SLC24A4: variants seen among roughly 807,000 people sequenced by gnomAD.
SLC24A4 encodes the protein sodium/potassium/calcium exchanger 4.
Under a neutral mutation model 79.0 loss-of-function variants are expected in SLC24A4, and 53 were observed. The ratio of observed to expected loss-of-function variants is 0.67; its 90% CI spans 0.54 to 0.84. The LOEUF is 0.84. SLC24A4 is among the 40% of genes least tolerant of loss of function. The pLI, the probability that SLC24A4 is intolerant of heterozygous loss-of-function variation, is 0.00. For missense variants in SLC24A4, 731 were observed against 822.0 expected, an observed-to-expected ratio of 0.89 and a Z score of 1.35; for synonymous variants, 323 against 323.8, an observed-to-expected ratio of 1.00 and a Z score of 0.03.
At chr14:92,361,941 C>T (rs1218517944) in intron 2 of SLC24A4, among the ~76,000 whole-genome samples, 2 of 152,130 alleles carry the variant, frequency 1.3e-5, no homozygotes, top group African/African-American at 2.4e-5. Flanking sequence ...AAGACAGCAC[C>T]TTGGGAAACA....
chr14:92,452,239 C>T (rs1293571623), intron 10 of SLC24A4: 4 of 152,240 alleles, frequency 2.6e-5, no homozygotes, highest in Non-Finnish European at 5.9e-5. Flanking sequence ...AGTTGTTCCT[C>T]CAGCAGTACC....
chr14:92,391,268 G>A (rs1889445750), intron 2 of SLC24A4, among the ~76,000 whole-genome samples: 1 of 152,186 alleles, frequency 6.6e-6, no homozygotes, highest in Non-Finnish European at 1.5e-5. Context: ...GAGTGGAAGA[G>A]ATACTGGCCA....
At chr14:92,340,640 C>T (rs1260108312) in intron 2 of SLC24A4, among the ~76,000 whole-genome samples, 1 of 152,072 alleles carries the variant, frequency 6.6e-6, no homozygotes, top group Non-Finnish European at 1.5e-5. Context: ...GGGAAAGATT[C>T]CTTTCCCCAC....
intron 2 of SLC24A4, among the ~76,000 whole-genome samples, chr14:92,331,369 G>A (rs947425652): frequency 1.3e-5 from 2 of 152,132 alleles, no homozygotes; most frequent in Admixed American, 6.6e-5. Flanking sequence ...CTGCAGTCTC[G>A]ACCTTCCAGG....
chr14:92,352,433 A>T (rs1314324308), intron 2 of SLC24A4, among the ~76,000 whole-genome samples: 1 of 152,228 alleles, frequency 6.6e-6, no homozygotes, highest in Non-Finnish European at 1.5e-5. Flanking sequence ...AGGAGGAATG[A>T]GCTGGGAGAT....
At chr14:92,343,302 G>A (rs184708786) in intron 2 of SLC24A4, among the ~76,000 whole-genome samples, 1 of 152,126 alleles carries the variant, frequency 6.6e-6, no homozygotes, top group Non-Finnish European at 1.5e-5. Flanking sequence ...TTGCCTTTTG[G>A]ATGTAACCTG....
intron 2 of SLC24A4, among the ~76,000 whole-genome samples, chr14:92,330,488 A>C (rs886372709): frequency 2.0e-5 from 3 of 152,180 alleles, no homozygotes; most frequent in Non-Finnish European, 4.4e-5. Flanking sequence ...GCAAGCACTG[A>C]AAATGGGAAG....
intron 12 of SLC24A4, among the ~76,000 whole-genome samples, chr14:92,466,220 T>C (rs1295681929): frequency 1.3e-5 from 2 of 152,212 alleles, no homozygotes; most frequent in East Asian, 1.9e-4. Flanking sequence ...CAATAGTAGC[T>C]ACTCAGCAAG....
chr14:92,442,174 G>A lies in SLC24A4; in HGVS notation c.478+1G>A, dbSNP rs1218537628. The A allele has an allele frequency of 6.2e-7, 1 of 1,612,776 alleles. No homozygotes were observed. Among genetic ancestry groups the A allele is most frequent in the South Asian group, 1.1e-5 (1 of 91,030 alleles). ...CCAGAGCTGTTTGCGTCTGTTATTG[G>A]TAAGAAATCCCCTCCAGCCTGAGAC... On this transcript the variant is annotated splice_donor_variant, in intron 5 of 16. Coordinates refer to ENST00000532405, the MANE Select transcript of SLC24A4 (RefSeq NM_153646.4). LOFTEE classifies it high-confidence loss of function.
intron 2 of SLC24A4, among the ~76,000 whole-genome samples, chr14:92,347,814 C>T (rs1886628174): frequency 6.6e-6 from 1 of 152,102 alleles, no homozygotes; most frequent in Admixed American, 6.5e-5. Flanking sequence ...GTAATCCCAG[C>T]TACTCAGGAG....
intron 3 of SLC24A4, among the ~76,000 whole-genome samples, chr14:92,434,588 C>T (rs932566993): frequency 2.6e-5 from 4 of 152,240 alleles, no homozygotes; most frequent in African/African-American, 9.6e-5. Context: ...AATTGCAGCT[C>T]CCAGTCAGTC....
chr14:92,422,887 C>T (rs1453452709), intron 2 of SLC24A4, among the ~76,000 whole-genome samples: 1 of 152,166 alleles, frequency 6.6e-6, no homozygotes, highest in Non-Finnish European at 1.5e-5. Context: ...CATCACTGCT[C>T]ACTGCAGCCT....
rs553800409 is a variant in SLC24A4 at position 92,329,246 on chromosome 14, A to G, written c.241+3268A>G. On this transcript the variant is annotated intron_variant, in intron 2 of 16. Coordinates refer to ENST00000532405, the MANE Select transcript of SLC24A4 (RefSeq NM_153646.4). ...CACCACTTGGAGTGGGTGTCCCACA[A>G]ACGTGAGCCCACATCTCCTTAAGAA... Among the ~76,000 whole-genome samples the G allele has an allele frequency of 3.9e-5, 6 of 152,352 alleles. No individual in the cohort carries two copies. The South Asian group carries it at 1.0e-3, about 26-fold the overall frequency.
At chr14:92,408,719 T>A (rs113223760) in intron 2 of SLC24A4, among the ~76,000 whole-genome samples, 17 of 152,238 alleles carry the variant, frequency 1.1e-4, no homozygotes, top group South Asian at 2.1e-4. Flanking sequence ...GGATTTTTTT[T>A]ATTTCTCTAC....
chr14:92,362,695 G>A (rs1887602715), intron 2 of SLC24A4, among the ~76,000 whole-genome samples: 1 of 152,190 alleles, frequency 6.6e-6, no homozygotes, highest in Non-Finnish European at 1.5e-5. Flanking sequence ...TCCCCCCGAG[G>A]CGGCACCAGT....
At chr14:92,465,086 C>CCCTGAT (rs1162459451) in intron 12 of SLC24A4, among the ~76,000 whole-genome samples, 2 of 152,206 alleles carry the variant, frequency 1.3e-5, no homozygotes, top group Non-Finnish European at 2.9e-5. Context: ...ACAACGTGTT[C>CCCTGAT]CCTGATTCTG....
rs1192994238 is a variant in SLC24A4, at chr14:92,493,861, T to G, written c.*233T>G. ...AAGGCTGGATTTGGGGGCCATTATC[T>G]GAGCAGCTTCAAAGACCCCTGAGCT... On this transcript the variant is annotated 3_prime_UTR_variant, in exon 17 of 17. Transcript: ENST00000532405. 2 of 557,570 alleles carry G rather than the reference T, an allele frequency of 3.6e-6. No individual in the cohort carries two copies. Among genetic ancestry groups the G allele is most frequent in the African/African-American group, 3.8e-5 (2 of 53,068 alleles). 34.5% of individuals were successfully genotyped at this position (557,570 alleles called of 1,614,324 possible).
intron 2 of SLC24A4, among the ~76,000 whole-genome samples, chr14:92,366,249 T>C (rs1336513518): frequency 6.6e-6 from 1 of 152,114 alleles, no homozygotes; most frequent in Non-Finnish European, 1.5e-5. Flanking sequence ...GGGAAAATGG[T>C]GAGGCAGCGT....
At chr14:92,468,881 A>G (rs1894266974) in intron 12 of SLC24A4, among the ~76,000 whole-genome samples, 1 of 146,076 alleles carries the variant, frequency 6.8e-6, no homozygotes, top group Non-Finnish European at 1.5e-5. Flanking sequence ...AAACATTTGC[A>G]AATCATGTAT....
Sources: gnomAD v4.1 joint callset for allele counts (sites outside exome capture counted in the v4.1 genomes callset) on GRCh38, gnomAD v4.1.1 for gene constraint, MANE v1.5 for transcripts, NCBI Gene and HGNC (gene_info 2026-07-23, HGNC 2026-07-21) for gene names.